FMR1NB: variants seen among roughly 807,000 people sequenced by gnomAD.
FMR1NB encodes the protein FMR1 neighbor, also known as FMR1 neighbor protein.
In FMR1NB, 10 loss-of-function variants were observed where a neutral mutation model predicts 16.8. That is an observed-to-expected ratio of 0.60 (90% CI 0.37 to 1.01). The LOEUF (loss-of-function observed/expected upper bound fraction) is 1.01. Ranked by LOEUF, FMR1NB falls within the 50% of genes least tolerant of loss-of-function variation. FMR1NB has a pLI of 0.01. For synonymous variants in FMR1NB, 83 were observed against 79.1 expected (o/e 1.05, Z -0.26); for missense variants, 205 against 204.8 (o/e 1.00, Z 0.00).
intron 1 of FMR1NB, among the ~76,000 whole-genome samples, chrX:147,996,386 C>T (rs2044541548): frequency 9.0e-6 from 1 of 111,498 alleles, no homozygotes; most frequent in Non-Finnish European, 1.9e-5. Flanking sequence ...TGCTCAAGTT[C>T]ACCACCTAGT....
chrX:147,981,434 G>A lies in FMR1NB; in HGVS notation c.32G>A (p.Arg11Lys), dbSNP rs782564160. MSSHRRKAKG[R>K]NRRSHRAMRV... ...TCACATAGGAGGAAAGCGAAGGGGA[G>A]GAATAGGAGAAGTCACCGTGCCATG... Residue 11 changes from arginine to lysine, a missense_variant, in exon 1 of 6, where the codon AGG becomes AAG. Transcript: ENST00000370467. 2 of 1,211,363 alleles carry A rather than the reference G, an allele frequency of 1.7e-6. No individual in the cohort carries two copies. Among genetic ancestry groups the A allele is most frequent in the South Asian group, 3.5e-5 (2 of 56,933 alleles).
chrX:147,991,164 C>T (rs1192880997), intron 1 of FMR1NB, among the ~76,000 whole-genome samples: 1 of 111,089 alleles, frequency 9.0e-6, no homozygotes, highest in Middle Eastern at 4.3e-3. Context: ...TCACCTCAGT[C>T]GTGGAGGCCT....
At chrX:148,019,378 T>C (rs1426286436) in intron 4 of FMR1NB, among the ~76,000 whole-genome samples, 3 of 112,582 alleles carry the variant, frequency 2.7e-5, no homozygotes, top group Non-Finnish European at 5.6e-5. Flanking sequence ...AAAGATAATA[T>C]GTCTTTGTTT....
chrX:147,992,149 G>A (rs1380453498), intron 1 of FMR1NB, among the ~76,000 whole-genome samples: 44 of 110,157 alleles, frequency 4.0e-4, no homozygotes, highest in African/African-American at 1.3e-3. Context: ...TTGTCATCCC[G>A]TCCCGTTCTC....
intron 1 of FMR1NB, among the ~76,000 whole-genome samples, chrX:147,990,121 G>C (rs1338429942): frequency 9.0e-6 from 1 of 111,059 alleles, no homozygotes; most frequent in Non-Finnish European, 1.9e-5. Flanking sequence ...TGAAACCCAG[G>C]GCCCTGGTGG....
At chrX:148,015,141 C>T (rs1557190029) in intron 4 of FMR1NB, among the ~76,000 whole-genome samples, 1 of 111,246 alleles carries the variant, frequency 9.0e-6, no homozygotes, top group African/African-American at 3.3e-5. Flanking sequence ...ACTATTGAAC[C>T]TTTGAATTTC....
chrX:148,006,801 C>T lies in FMR1NB; in HGVS notation c.497C>T (p.Ser166Leu), dbSNP rs781859976. 1.0e-4 allele frequency: 124 copies of T among 1,208,664 alleles called. No homozygotes were observed. Among genetic ancestry groups the T allele is most frequent in the Middle Eastern group, 2.3e-4 (1 of 4,369 alleles). The change falls in exon 3 of 6, where the codon TCG becomes TTG. Residue 166 changes from serine (S) to leucine (L), a missense_variant. Ser to Leu is a moderately radical substitution (Grantham distance 145). Coordinates refer to ENST00000370467, the MANE Select transcript of FMR1NB (RefSeq NM_152578.3). ...CLRHKCCFSS[S>L]GTTSFKCFAP... ...AGACACAAATGCTGTTTTTCATCAT[C>T]GGGGACCACGAGCTTCAAATGTTTT...
At chrX:147,992,321 G>A (rs782164478) in intron 1 of FMR1NB, among the ~76,000 whole-genome samples, 36 of 83,622 alleles carry the variant, frequency 4.3e-4, no homozygotes, top group African/African-American at 1.5e-3. Flanking sequence ...CAGAGGGGGC[G>A]GCTGGCCGGG....
At chrX:147,988,458 A>G (rs1261563871) in intron 1 of FMR1NB, among the ~76,000 whole-genome samples, 2 of 110,416 alleles carry the variant, frequency 1.8e-5, no homozygotes, top group Non-Finnish European at 3.8e-5. Flanking sequence ...CTTCATTTCA[A>G]CCTTGGTGAG....
At chrX:148,005,585 G>A (rs2044592314) in intron 2 of FMR1NB, among the ~76,000 whole-genome samples, 1 of 111,820 alleles carries the variant, frequency 8.9e-6, no homozygotes, top group South Asian at 3.7e-4. Context: ...TAGGCCAGTT[G>A]GTAGTGCATT....
rs782688762 is a variant in FMR1NB at position 148,008,758 on chromosome X, G to C, written c.632+47G>C. On this transcript the variant is annotated intron_variant, in intron 4 of 5. Transcript: ENST00000370467. ...TTTGCTCGTTGCTAAGTATACATGAGTATTTGTGTATAGACATATTTATTA... is the reference window on the plus strand; with the variant it reads ...TTTGCTCGTTGCTAAGTATACATGACTATTTGTGTATAGACATATTTATTA... 2.9e-6 allele frequency: 3 copies of C among 1,020,731 alleles called. No homozygotes were observed. In the East Asian group the frequency reaches 9.1e-5, roughly 31 times the overall value. 84.1% of individuals were successfully genotyped at this position (1,020,731 alleles called of 1,213,427 possible).
chrX:148,003,755 TA>T (rs2044582418), intron 2 of FMR1NB, among the ~76,000 whole-genome samples: 1 of 111,759 alleles, frequency 8.9e-6, no homozygotes, highest in Admixed American at 9.6e-5. Flanking sequence ...CCATCTGTTT[TA>T]ATGATAGAAA....
intron 1 of FMR1NB, among the ~76,000 whole-genome samples, chrX:148,002,909 T>G (rs2044578115): frequency 1.8e-5 from 2 of 112,451 alleles, no homozygotes; most frequent in African/African-American, 6.4e-5. Context: ...ATCAGTTGAT[T>G]AGGCCTCTTA....
At chrX:147,987,660 T>C (rs1442418421) in intron 1 of FMR1NB, among the ~76,000 whole-genome samples, 1 of 111,253 alleles carries the variant, frequency 9.0e-6, no homozygotes. Context: ...ACTATTATTG[T>C]GTGGGAGTCT....
Position 147,993,838 on chromosome X carries a change from C to G in FMR1NB, c.278-9363C>G, listed in dbSNP as rs183119831. Among the ~76,000 whole-genome samples the G allele has an allele frequency of 4.1e-4, 45 of 110,883 alleles. 2 individuals carry two copies. The highest frequency in any genetic ancestry group is 2.3e-3 in the Admixed American group (24 of 10,412). ...CCCAAAGGTACTTTCCACTTCTTCC[C>G]CAAAAGCCTTCTTTTCTTCCTTCCA... On this transcript the variant is annotated intron_variant, in intron 1 of 5. Coordinates refer to ENST00000370467, the MANE Select transcript of FMR1NB (RefSeq NM_152578.3).
intron 4 of FMR1NB, among the ~76,000 whole-genome samples, chrX:148,022,210 C>A (rs1449412424): frequency 9.1e-6 from 1 of 109,447 alleles, no homozygotes; most frequent in Non-Finnish European, 1.9e-5. Context: ...CATCTCCCCA[C>A]CTCCACTTTT....
chrX:148,003,431 GTTT>G, intron 2 of FMR1NB, 111 bp downstream of exon 2: 1 of 850,373 alleles, frequency 1.2e-6, no homozygotes, highest in Non-Finnish European at 1.6e-6. Flanking sequence ...ACAGAGCTGA[GTTT>G]GAATCCTGGC....
chrX:148,006,575 A>G, intron 2 of FMR1NB, 127 bp from the exon 3 acceptor site: 1 of 639,915 alleles, frequency 1.6e-6, no homozygotes, highest in Non-Finnish European at 2.3e-6. Context: ...TTCTTTTAGC[A>G]CCCATCATTA....
intron 1 of FMR1NB, among the ~76,000 whole-genome samples, chrX:147,985,969 C>T (rs782786697): frequency 2.7e-5 from 3 of 112,484 alleles, no homozygotes; most frequent in African/African-American, 9.7e-5. Flanking sequence ...TTCACATCCT[C>T]ACCAGCATCT....
Sources: allele counts gnomAD v4.1 joint callset (sites outside exome capture counted in the v4.1 genomes callset), GRCh38; gene constraint gnomAD v4.1.1; transcripts MANE v1.5; gene names NCBI Gene and HGNC (gene_info 2026-07-23, HGNC 2026-07-21).